Variants in SRGAP2 observed in about 807,000 individuals in gnomAD.
SRGAP2 encodes the protein SLIT-ROBO Rho GTPase-activating protein 2.
Under a neutral mutation model 57.2 loss-of-function variants are expected in SRGAP2, and 15 were observed. The ratio of observed to expected loss-of-function variants is 0.26; its 90% confidence interval spans 0.18 to 0.40. The LOEUF is 0.40. SRGAP2 is among the 10% of genes least tolerant of loss of function. SRGAP2 has a pLI of 1.00. For synonymous variants in SRGAP2, 249 were observed against 248.0 expected (o/e 1.00, Z -0.04); for missense variants, 520 against 669.6 (o/e 0.78, Z 2.47).
chr1:206,312,045 T>G (rs1429494553), intron 3 of SRGAP2: 1 of 152,284 alleles, frequency 6.6e-6, no homozygotes, highest in East Asian at 1.9e-4. Flanking sequence ...TTTTGCTGAC[T>G]CTAGGACTGG....
At chr1:206,290,368 C>T (rs1247007024) in intron 2 of SRGAP2, among the ~76,000 whole-genome samples, 7,387 of 152,112 alleles carry the variant, frequency 0.049, 278 homozygotes, top group African/African-American at 0.1. Flanking sequence ...GTATATAAGT[C>T]GGGCACGGTG....
Position 206,461,271 on chromosome 1 carries a change from C to T in SRGAP2, c.3067C>T (p.Arg1023Trp), listed in dbSNP as rs782667706. ...STAGDIACAF[R>W]PVKSVKMAAP... ...TGCTGGGGACATCGCCTGCGCCTTCCGGCCTGTCAAGTCTGTCAAGATGGC... is the reference window on the plus strand; with the variant it reads ...TGCTGGGGACATCGCCTGCGCCTTCTGGCCTGTCAAGTCTGTCAAGATGGC... Residue 1023 changes from arginine to tryptophan, a missense_variant, in exon 23 of 23, where the codon CGG (arginine) becomes TGG (tryptophan). Coordinates refer to ENST00000573034, the MANE Select transcript of SRGAP2 (RefSeq NM_015326.5). 1.9e-5 allele frequency: 15 copies of T among 780,920 alleles called. No individual in the cohort carries two copies. The highest frequency in any genetic ancestry group is 3.1e-5 in the Non-Finnish European group (13 of 418,000). The allele number at this position is 780,920 out of a possible 1,614,324, so 48.4% of individuals were successfully genotyped here.
chr1:206,365,479 T>C (rs1328498143), intron 4 of SRGAP2, among the ~76,000 whole-genome samples: 4 of 151,870 alleles, frequency 2.6e-5, no homozygotes, highest in African/African-American at 7.3e-5. Context: ...GACAGTTGGA[T>C]CTGTGGTTGA....
At chr1:206,410,559 A>G (rs1659124704) in intron 10 of SRGAP2, among the ~76,000 whole-genome samples, 1 of 152,228 alleles carries the variant, frequency 6.6e-6, no homozygotes, top group African/African-American at 2.4e-5. Flanking sequence ...ATGGACAACA[A>G]CTGACGTATC....
chr1:206,303,884 T>A (rs1217177823), intron 3 of SRGAP2, among the ~76,000 whole-genome samples: 84 of 142,444 alleles, frequency 5.9e-4, no homozygotes, highest in African/African-American at 2.1e-3. Context: ...TCTCTCTCTC[T>A]CTCTCACACA....
intron 18 of SRGAP2, among the ~76,000 whole-genome samples, chr1:206,447,199 T>A (rs912507167): frequency 2.0e-4 from 30 of 151,992 alleles, no homozygotes. Flanking sequence ...CCCCCTCCCT[T>A]CTTCCCCTAA....
chr1:206,440,446 G>T (rs1443183961), intron 17 of SRGAP2, among the ~76,000 whole-genome samples: 1 of 152,122 alleles, frequency 6.6e-6, no homozygotes, highest in Admixed American at 6.5e-5. Context: ...CAGTGTACAA[G>T]CAGCAGCCCA....
intron 4 of SRGAP2, among the ~76,000 whole-genome samples, chr1:206,377,464 G>T (rs1655319046): frequency 6.9e-6 from 1 of 145,232 alleles, no homozygotes; most frequent in African/African-American, 2.6e-5. Flanking sequence ...TGTAATAGCT[G>T]GATTTTTTGA....
At chr1:206,443,675 C>T (rs1023820129) in intron 17 of SRGAP2, among the ~76,000 whole-genome samples, 21 of 152,128 alleles carry the variant, frequency 1.4e-4, no homozygotes, top group Non-Finnish European at 2.8e-4. Flanking sequence ...GTAATTACAC[C>T]GCGCCTGGCC....
At chr1:206,416,035 A>G (rs1459361867) in intron 11 of SRGAP2, 62 bp downstream of exon 11, 3 of 731,984 alleles carry the variant, frequency 4.1e-6, no homozygotes, top group Non-Finnish European at 5.0e-6. Context: ...TTTCTTGCTG[A>G]GCACACGCCT....
At chr1:206,418,476 A>G (rs1273313171) in intron 11 of SRGAP2, among the ~76,000 whole-genome samples, 1 of 152,214 alleles carries the variant, frequency 6.6e-6, no homozygotes, top group African/African-American at 2.4e-5. Context: ...GCTGATTTTT[A>G]CTTCCCCCAG....
At chr1:206,427,601 G>A (rs1025444607) in intron 13 of SRGAP2, among the ~76,000 whole-genome samples, 4 of 152,146 alleles carry the variant, frequency 2.6e-5, no homozygotes, top group African/African-American at 9.7e-5. Context: ...CCTAATAGTG[G>A]CCAAACCCTA....
At chr1:206,392,096 A>G (rs576032220) in intron 5 of SRGAP2, among the ~76,000 whole-genome samples, 1 of 152,342 alleles carries the variant, frequency 6.6e-6, no homozygotes, top group African/African-American at 2.4e-5. Context: ...CTAAGTGCTC[A>G]GTAAATGATA....
intron 21 of SRGAP2, chr1:206,455,409 A>G: frequency 8.0e-6 from 2 of 248,504 alleles, no homozygotes; most frequent in Non-Finnish European, 1.6e-5. Flanking sequence ...ATACTCAAAT[A>G]ATAGTCTTTG....
chr1:206,279,035 A>G lies in SRGAP2; in HGVS notation c.68-24246A>G, dbSNP rs1256129456. On this transcript the variant is annotated intron_variant, in intron 2 of 22. Coordinates refer to ENST00000573034, the MANE Select transcript of SRGAP2 (RefSeq NM_015326.5). ...TTATTCTGTAAATATCTATATCTAC[A>G]TCAATTATATCTCTCAGGACTTACA... 5.3e-5 allele frequency among the ~76,000 whole-genome samples: 7 copies of G among 132,040 alleles called. No homozygotes were observed. In the East Asian group the frequency reaches 1.5e-3, roughly 29 times the overall value. The allele number at this position is 132,040 out of a possible 152,430, so 86.6% of individuals were successfully genotyped here. A position where few individuals can be genotyped will look rare whatever the true frequency, so the allele number is the denominator to read the frequency against.
chr1:206,347,173 G>T (rs1199102043), intron 4 of SRGAP2, among the ~76,000 whole-genome samples: 2 of 149,150 alleles, frequency 1.3e-5, no homozygotes, highest in East Asian at 2.0e-4. Flanking sequence ...GATCACTTGA[G>T]CCCAGAAATT....
chr1:206,431,807 G>C (rs1164104270), intron 14 of SRGAP2, among the ~76,000 whole-genome samples: 2 of 152,234 alleles, frequency 1.3e-5, no homozygotes, highest in African/African-American at 4.8e-5. Context: ...TCAGGGAAAA[G>C]GCCTCTCCTA....
intron 5 of SRGAP2, among the ~76,000 whole-genome samples, chr1:206,386,163 G>A (rs1170705739): frequency 2.0e-5 from 3 of 152,096 alleles, no homozygotes; most frequent in African/African-American, 7.2e-5. Flanking sequence ...AGAGGCCAGG[G>A]GTGCTGCTAA....
chr1:206,346,246 C>G (rs1675619684), intron 4 of SRGAP2, among the ~76,000 whole-genome samples: 1 of 152,186 alleles, frequency 6.6e-6, no homozygotes. Flanking sequence ...AGACCTTGGA[C>G]AATGACTTCT....
Sources: gnomAD v4.1 joint callset for allele counts (sites outside exome capture counted in the v4.1 genomes callset) on GRCh38, gnomAD v4.1.1 for gene constraint, MANE v1.5 for transcripts, NCBI Gene and HGNC (gene_info 2026-07-23, HGNC 2026-07-21) for gene names.